The following SSH1 variants were observed in gnomAD, a reference collection of about 807,000 sequenced individuals.
SSH1 encodes protein phosphatase Slingshot homolog 1.
SSH1 carries 43 observed loss-of-function variants against 79.7 expected under a neutral mutation model. The observed-to-expected ratio is 0.54, with a 90% CI of 0.42 to 0.70. The LOEUF is 0.70. SSH1 is among the 30% of genes least tolerant of loss of function. The probability of loss-of-function intolerance (pLI) is 0.00; values close to 1 mark genes in which losing one functional copy is unlikely to be tolerated. For missense variants in SSH1, 1,206 were observed against 1,358.8 expected (o/e 0.89, Z 1.77); for synonymous variants, 599 against 538.3 (o/e 1.11, Z -1.56).
At chr12:108,801,735 T>TAAAAAAA (rs1565980475) in intron 11 of SSH1, among the ~76,000 whole-genome samples, 9 of 137,306 alleles carry the variant, frequency 6.6e-5, no homozygotes, top group African/African-American at 2.3e-4. Context: ...CTGTGTTGTT[T>TAAAAAAA]TAAAAAAAAA....
chr12:108,788,697 A>G lies in SSH1; in HGVS notation c.2441T>C (p.Ile814Thr), dbSNP rs2036372694. ...GACCAAGCCTGCCTTCTGCAGCTGA[A>G]TGATGGACTCCTGGTGCTGCATCAG... The part of the protein sequence containing the change: ...SYLMQHQESI[I>T]QLQKAGLVRK... Residue 814 changes from isoleucine (I) to threonine (T), a missense_variant, in exon 15 of 15, where the codon ATT (isoleucine) becomes ACT (threonine). By Grantham distance (89) the Ile-to-Thr change is moderately conservative. Transcript: ENST00000326495. The G allele has an allele frequency of 6.2e-7, 1 of 1,614,078 alleles. No homozygotes were observed. The highest frequency in any genetic ancestry group is 1.7e-5 in the Admixed American group (1 of 60,012).
At chr12:108,806,177 G>A (rs2137068550) in intron 9 of SSH1, 124 bp downstream of exon 9, 2 of 920,106 alleles carry the variant, frequency 2.2e-6, no homozygotes, top group South Asian at 2.6e-5. Flanking sequence ...AGCCTCCGGG[G>A]GCTGATACCA....
At chr12:108,832,510 T>G (rs551678681) in intron 2 of SSH1, among the ~76,000 whole-genome samples, 1 of 152,250 alleles carries the variant, frequency 6.6e-6, no homozygotes, top group African/African-American at 2.4e-5. Context: ...GCTAATCAAC[T>G]GACCTCAAAA....
intron 2 of SSH1, among the ~76,000 whole-genome samples, chr12:108,845,976 G>A (rs1182990221): frequency 6.6e-6 from 1 of 152,220 alleles, no homozygotes; most frequent in East Asian, 1.9e-4. Flanking sequence ...AGCATGGTCT[G>A]CAGGGCAATG....
Position 108,792,500 on chromosome 12 carries a change from C to T in SSH1, c.1679G>A (p.Gly560Asp), listed in dbSNP as rs1454769546. 17 of 1,614,098 alleles carry T rather than the reference C, an allele frequency of 1.1e-5. No individual in the cohort carries two copies. The highest frequency in any genetic ancestry group is 4.4e-5 in the South Asian group (4 of 91,092). ...VHRPARQPQQ[G>D]SGLCEKDVKK... ...CACATCCTTCTCACAGAGTCCGGAA[C>T]CTTGCTGGGGCTGTCTGGCCGGCCT... Residue 560 changes from glycine (G) to aspartate (D), a missense_variant, in exon 14 of 15, where the codon GGT becomes GAT. This residue lies in a region of SSH1 where 709 missense variants were observed against 730.6 expected (regional missense o/e 0.97). Transcript: ENST00000326495.
chr12:108,794,381 G>C (rs964451781), intron 13 of SSH1, among the ~76,000 whole-genome samples: 6 of 152,218 alleles, frequency 3.9e-5, no homozygotes, highest in Non-Finnish European at 8.8e-5. Context: ...CTCAGAGGCT[G>C]AGTGAGGGGC....
At chr12:108,830,067 A>G (rs1176990779) in intron 2 of SSH1, among the ~76,000 whole-genome samples, 1 of 152,172 alleles carries the variant, frequency 6.6e-6, no homozygotes, top group South Asian at 2.1e-4. Flanking sequence ...TGACCACACC[A>G]CTGCACTCCA....
intron 1 of SSH1, among the ~76,000 whole-genome samples, chr12:108,856,895 A>G (rs2039155238): frequency 6.6e-6 from 1 of 152,232 alleles, no homozygotes; most frequent in Non-Finnish European, 1.5e-5. Flanking sequence ...GACCCTGGTC[A>G]CACTGCAGAG....
chr12:108,786,708 C>A lies in SSH1; in HGVS notation c.*1280G>T, dbSNP rs1353989268. The A allele has an allele frequency of 3.3e-5, 5 of 152,210 alleles. No homozygotes were observed. The highest frequency in any genetic ancestry group is 5.9e-5 in the Non-Finnish European group (4 of 68,044). 9.4% of individuals were successfully genotyped at this position (152,210 alleles called of 1,614,324 possible). A position where few individuals can be genotyped will look rare whatever the true frequency, so the allele number is the denominator to read the frequency against. On this transcript the variant is annotated 3_prime_UTR_variant, in exon 15 of 15. Coordinates refer to ENST00000326495, the MANE Select transcript of SSH1 (RefSeq NM_018984.4). ...TAAAGAGGAAAAACCATTCCTAGCT[C>A]ACGGGGCCACATGCCATAGTTTGCT...
intron 2 of SSH1, 89 bp from the exon 3 acceptor site, chr12:108,823,450 T>A: frequency 9.6e-7 from 1 of 1,036,742 alleles, no homozygotes; most frequent in Non-Finnish European, 1.5e-6. Context: ...AGCTTTAGCG[T>A]GGACAAATGG....
At position 108,779,340 on chromosome 12, in the gene SSH1, A is replaced by G. The variant is rs1259692328; in HGVS notation, c.*8648T>C. 6.6e-6 allele frequency: 1 copy of G among 152,212 alleles called. No homozygotes were observed. Among genetic ancestry groups the G allele is most frequent in the Non-Finnish European group, 1.5e-5 (1 of 68,040 alleles). 9.4% of individuals were successfully genotyped at this position (152,212 alleles called of 1,614,324 possible). A position where few individuals can be genotyped will look rare whatever the true frequency, so the allele number is the denominator to read the frequency against. ...CACCCCAATAGCCTTTGGAGCAAGAAGTGGGTCCAATTTCCCAGGGGCTGG... is the reference window on the plus strand; with the variant it reads ...CACCCCAATAGCCTTTGGAGCAAGAGGTGGGTCCAATTTCCCAGGGGCTGG... On this transcript the variant is annotated 3_prime_UTR_variant, in exon 15 of 15. Transcript: ENST00000326495.
chr12:108,840,022 T>C (rs2038737446), intron 2 of SSH1, among the ~76,000 whole-genome samples: 1 of 152,180 alleles, frequency 6.6e-6, no homozygotes, highest in Non-Finnish European at 1.5e-5. Context: ...CGATGCCCCA[T>C]CCAGAAGCCC....
At chr12:108,811,676 T>C in intron 5 of SSH1, 1 of 389,548 alleles carries the variant, frequency 2.6e-6, no homozygotes, top group South Asian at 2.2e-5. Flanking sequence ...CGGCCTGGCC[T>C]GTCCTGGGTG....
chr12:108,831,638 A>C (rs1391125562), intron 2 of SSH1, among the ~76,000 whole-genome samples: 45 of 152,086 alleles, frequency 3.0e-4, no homozygotes, highest in Admixed American at 2.9e-3. Flanking sequence ...CCCTGGAAGA[A>C]ATGAAGCCTG....
chr12:108,799,259 TA>T (rs2036884877), intron 12 of SSH1, 59 bp from the exon 13 acceptor site: 1 of 1,433,218 alleles, frequency 7.0e-7, no homozygotes, highest in Non-Finnish European at 9.6e-7. Flanking sequence ...GGGAAGGAGT[TA>T]AAAAGCTCCA....
chr12:108,787,972 C>T lies in SSH1; in HGVS notation c.*16G>A, dbSNP rs757522823. On this transcript the variant is annotated 3_prime_UTR_variant, in exon 15 of 15. Transcript: ENST00000326495. ...ATATGAAAATATCCGCCCAGCCTGACGCAGCAAAAGGCGGGTCAGCTTTTG... is the reference window on the plus strand; with the variant it reads ...ATATGAAAATATCCGCCCAGCCTGATGCAGCAAAAGGCGGGTCAGCTTTTG... 1.9e-5 allele frequency: 31 copies of T among 1,614,068 alleles called. No homozygotes were observed. The highest frequency in any genetic ancestry group is 1.3e-4 in the East Asian group (6 of 44,880).
chr12:108,784,195 C>T lies in SSH1; in HGVS notation c.*3793G>A, dbSNP rs1274203550. The T allele has an allele frequency of 6.6e-6, 1 of 152,192 alleles. No homozygotes were observed. The highest frequency in any genetic ancestry group is 2.4e-5 in the African/African-American group (1 of 41,408). The allele number at this position is 152,192 out of a possible 1,614,324, so 9.4% of individuals were successfully genotyped here. A position where few individuals can be genotyped will look rare whatever the true frequency, so the allele number is the denominator to read the frequency against. ...GAGAGTGGTAGGGAAATTCATCAAC[C>T]TTCTAGAATGGACTGCCCTCAGATA... is the stretch of plus-strand genomic sequence containing the variant. On this transcript the variant is annotated 3_prime_UTR_variant, in exon 15 of 15. Coordinates refer to ENST00000326495, the MANE Select transcript of SSH1 (RefSeq NM_018984.4).
chr12:108,792,117 C>T, intron 14 of SSH1, 169 bp downstream of exon 14: 1 of 1,483,058 alleles, frequency 6.7e-7, no homozygotes, highest in South Asian at 1.4e-5. Flanking sequence ...GTGAAAGAAC[C>T]CTCAGGTCCC....
At chr12:108,832,369 A>C (rs140013009) in intron 2 of SSH1, among the ~76,000 whole-genome samples, 2 of 151,958 alleles carry the variant, frequency 1.3e-5, no homozygotes, top group East Asian at 3.9e-4. Flanking sequence ...GGAGAAGATA[A>C]ATGACTTGTC....
Sources: allele counts gnomAD v4.1 joint callset (sites outside exome capture counted in the v4.1 genomes callset), GRCh38; gene constraint gnomAD v4.1.1; regional missense constraint gnomAD v4.1.1; transcripts MANE v1.5; gene names NCBI Gene and HGNC (gene_info 2026-07-23, HGNC 2026-07-21).